DNAH6: variants seen among roughly 807,000 people sequenced by gnomAD.
DNAH6 encodes the protein axonemal beta dynein heavy chain 6.
In DNAH6, 340 loss-of-function variants were observed where a neutral mutation model predicts 491.4. That is an observed-to-expected ratio of 0.69 (90% CI 0.63 to 0.76). The LOEUF (loss-of-function observed/expected upper bound fraction) is 0.76. DNAH6 is among the 30% of genes least tolerant of loss of function. The pLI, the probability that DNAH6 is intolerant of heterozygous loss-of-function variation, is 0.00. For missense variants in DNAH6, 4,443 were observed against 4,972.2 expected (o/e 0.89, Z 3.20); for synonymous variants, 1,603 against 1,686.1 (o/e 0.95, Z 1.21).
chr2:84,563,935 C>T (rs1368213846), intron 11 of DNAH6, among the ~76,000 whole-genome samples: 1 of 152,098 alleles, frequency 6.6e-6, no homozygotes, highest in Non-Finnish European at 1.5e-5. Context: ...TATTCCAGCA[C>T]CATTTATTGA....
intron 37 of DNAH6, among the ~76,000 whole-genome samples, chr2:84,666,769 A>G (rs546464000): frequency 1.1e-3 from 175 of 152,332 alleles, no homozygotes; most frequent in Non-Finnish European, 2.2e-3. Context: ...ATATGGAACC[A>G]AAAAAGAGCC....
In DNAH6 at chr2:84,720,578, G is replaced by A. The variant is rs577202959; in HGVS notation, c.9793-2047G>A. On this transcript the variant is annotated intron_variant, in intron 59 of 76. Coordinates refer to ENST00000389394, the MANE Select transcript of DNAH6 (RefSeq NM_001370.2). Reference sequence around the variant, plus strand: ...CAGGCGTGAGCCACCGCGCCCGGCCGAGTGCTTCTTGCTACTAATTCTTAA... The same window carrying A: ...CAGGCGTGAGCCACCGCGCCCGGCCAAGTGCTTCTTGCTACTAATTCTTAA... Among the ~76,000 whole-genome samples the A allele has an allele frequency of 9.2e-5, 14 of 152,106 alleles. No homozygotes were observed. The East Asian group carries it at 2.7e-3, about 30-fold the overall frequency.
Position 84,819,500 on chromosome 2 carries a change from G to A in DNAH6, c.*92G>A, listed in dbSNP as rs979444083. Reference sequence around the variant, plus strand: ...TGAATAATTTATATGTGAGCAAAACGGTGTTAATTCTGATTTGACTTAAAC... The same window carrying A: ...TGAATAATTTATATGTGAGCAAAACAGTGTTAATTCTGATTTGACTTAAAC... On this transcript the variant is annotated 3_prime_UTR_variant, in exon 77 of 77. Coordinates refer to ENST00000389394, the MANE Select transcript of DNAH6 (RefSeq NM_001370.2). 5 of 751,854 alleles carry A rather than the reference G, an allele frequency of 6.7e-6. No homozygotes were observed. Among genetic ancestry groups the A allele is most frequent in the Admixed American group, 2.9e-5 (1 of 34,606 alleles). 46.6% of individuals were successfully genotyped at this position (751,854 alleles called of 1,614,324 possible).
At chr2:84,504,252 C>G in the DNAH6 span, among the ~76,000 whole-genome samples, 6 of 152,036 alleles carry the variant, frequency 3.9e-5, no homozygotes, top group Non-Finnish European at 7.4e-5. Flanking sequence ...CTGCTTGATT[C>G]TTTTTAATTA....
chr2:84,475,399 T>G, the DNAH6 span, among the ~76,000 whole-genome samples: 1 of 152,234 alleles, frequency 6.6e-6, no homozygotes, highest in Admixed American at 6.5e-5. Context: ...AAATGTAGAA[T>G]GACACTGACT....
At chr2:84,521,748 GT>G (rs1676164493) in intron 2 of DNAH6, among the ~76,000 whole-genome samples, 1 of 152,196 alleles carries the variant, frequency 6.6e-6, no homozygotes, top group South Asian at 2.1e-4. Flanking sequence ...TCTATTGCTT[GT>G]TTTTGTCAGC....
At chr2:84,606,363 T>C (rs1181778148) in intron 20 of DNAH6, among the ~76,000 whole-genome samples, 6 of 152,164 alleles carry the variant, frequency 3.9e-5, no homozygotes, top group African/African-American at 1.4e-4. Flanking sequence ...GTGGTGAGGG[T>C]TCTACTCTCA....
At chr2:84,781,973 T>G (rs536033380) in intron 65 of DNAH6, among the ~76,000 whole-genome samples, 1 of 152,258 alleles carries the variant, frequency 6.6e-6, no homozygotes, top group South Asian at 2.1e-4. Context: ...ACAAAGGAAA[T>G]TAAATCCTTC....
intron 38 of DNAH6, 61 bp from the exon 39 acceptor site, chr2:84,670,267 T>C: frequency 8.4e-7 from 1 of 1,189,662 alleles, no homozygotes; most frequent in Non-Finnish European, 1.2e-6. Context: ...GCCAAACTAT[T>C]ACAGATATAA....
intron 29 of DNAH6, among the ~76,000 whole-genome samples, chr2:84,631,470 A>G (rs1688389472): frequency 6.6e-6 from 1 of 152,142 alleles, no homozygotes; most frequent in African/African-American, 2.4e-5. Flanking sequence ...AATGTTACCT[A>G]ATTTGGGCCT....
At chr2:84,809,756 C>T (rs1390535972) in intron 72 of DNAH6, among the ~76,000 whole-genome samples, 2 of 152,174 alleles carry the variant, frequency 1.3e-5, no homozygotes, top group African/African-American at 4.8e-5. Flanking sequence ...CAACAGACAA[C>T]TTCTGTGTCT....
At chr2:84,600,782 A>G (rs4020076) in intron 18 of DNAH6, among the ~76,000 whole-genome samples, 122,215 of 151,546 alleles carry the variant, frequency 0.81, 51,971 homozygotes, top group East Asian at 0.99. Context: ...TTAACTGTAC[A>G]GTTACTACTG....
At chr2:84,545,801 A>G (rs1351570346) in intron 5 of DNAH6, among the ~76,000 whole-genome samples, 3 of 152,186 alleles carry the variant, frequency 2.0e-5, no homozygotes, top group Admixed American at 6.5e-5. Context: ...CCCCTAGACA[A>G]GGTTGAAGGG....
chr2:84,527,281 T>G (rs1676692175), intron 3 of DNAH6, among the ~76,000 whole-genome samples: 1 of 152,026 alleles, frequency 6.6e-6, no homozygotes, highest in Non-Finnish European at 1.5e-5. Flanking sequence ...AATGCTTTCT[T>G]TATTTCCCAC....
In DNAH6 at chr2:84,588,917, G is replaced by A. The variant is rs561883249; in HGVS notation, c.2573G>A (p.Arg858His). 7.5e-5 allele frequency: 117 copies of A among 1,549,870 alleles called. No homozygotes were observed. Among genetic ancestry groups the A allele is most frequent in the Non-Finnish European group, 8.6e-5 (99 of 1,146,258 alleles). ...LQSVLADLQK[R>H]AFQYKSYQKN... ...TCTGTTCTGGCTGATCTTCAGAAAC[G>A]TGCATTTCAGTATAAGTCCTATCAG... is the stretch of plus-strand genomic sequence containing the variant. Residue 858 changes from arginine (R) to histidine (H), a missense_variant, in exon 16 of 77, where the codon CGT (arginine) becomes CAT (histidine). By Grantham distance (29) the Arg-to-His change is conservative. This residue lies in a region of DNAH6 where 2,977 missense variants were observed against 3,296.6 expected (regional missense o/e 0.90). Transcript: ENST00000389394.
chr2:84,791,424 G>C (rs753588240), intron 68 of DNAH6, among the ~76,000 whole-genome samples: 3 of 151,596 alleles, frequency 2.0e-5, no homozygotes, highest in Non-Finnish European at 4.4e-5. Context: ...AAAGAAGCCA[G>C]ACACAAAAGC....
At chr2:84,498,730 A>G in the DNAH6 span, among the ~76,000 whole-genome samples, 1 of 151,124 alleles carries the variant, frequency 6.6e-6, no homozygotes, top group African/African-American at 2.4e-5. Context: ...TTTTTTTTTT[A>G]AATAGCACCA....
At chr2:84,697,823 T>C in intron 47 of DNAH6, 96 bp downstream of exon 47, 1 of 1,348,328 alleles carries the variant, frequency 7.4e-7, no homozygotes, top group Non-Finnish European at 1.0e-6. Flanking sequence ...GGTCCATGAA[T>C]AAAATTTTTT....
intron 66 of DNAH6, 145 bp downstream of exon 66, chr2:84,784,955 C>T: frequency 1.6e-6 from 1 of 617,024 alleles, no homozygotes; most frequent in Non-Finnish European, 2.9e-6. Context: ...ATCTTTTCAC[C>T]TATAACAAGC....
Sources: gnomAD v4.1 joint callset for allele counts (sites outside exome capture counted in the v4.1 genomes callset) on GRCh38, gnomAD v4.1.1 for gene constraint, gnomAD v4.1.1 regional missense constraint, MANE v1.5 for transcripts, NCBI Gene and HGNC (gene_info 2026-07-23, HGNC 2026-07-21) for gene names.